The following PTPRT variants were observed in gnomAD, a reference collection of about 807,000 sequenced individuals.
PTPRT encodes protein tyrosine phosphatase receptor type T, also known as receptor-type tyrosine-protein phosphatase T.
PTPRT carries 56 observed loss-of-function variants against 176.8 expected under a neutral mutation model. That is an observed-to-expected ratio of 0.32 (90% CI 0.26 to 0.40). The LOEUF is 0.40. Ranked by LOEUF, PTPRT falls within the 10% of genes least tolerant of loss-of-function variation. The pLI is 1.00. For synonymous variants in PTPRT, 783 were observed against 739.0 expected (o/e 1.06, Z -0.96); for missense variants, 1,540 against 1,908.2 (o/e 0.81, Z 3.60).
intron 7 of PTPRT, among the ~76,000 whole-genome samples, chr20:42,624,005 C>CA: frequency 7.4e-6 from 1 of 135,756 alleles, no homozygotes; most frequent in African/African-American, 3.2e-5. Flanking sequence ...AAAACAATAG[C>CA]AACAAACAAA....
At chr20:43,171,302 A>C (rs1352972191) in intron 1 of PTPRT, among the ~76,000 whole-genome samples, 1 of 152,210 alleles carries the variant, frequency 6.6e-6, no homozygotes, top group African/African-American at 2.4e-5. Context: ...AAATCACTGA[A>C]TATTCATTTA....
At chr20:42,628,010 G>C (rs1206043872) in intron 7 of PTPRT, among the ~76,000 whole-genome samples, 1 of 152,118 alleles carries the variant, frequency 6.6e-6, no homozygotes. Context: ...GGGAGAACAG[G>C]TCAGTCATTT....
chr20:42,110,297 G>C (rs370390630), intron 23 of PTPRT, 36 bp downstream of exon 23: 3 of 1,558,280 alleles, frequency 1.9e-6, no homozygotes, highest in Non-Finnish European at 2.6e-6. Context: ...TGATCTGCCC[G>C]CCTCGGCCTC....
intron 1 of PTPRT, among the ~76,000 whole-genome samples, chr20:43,036,455 A>C (rs1270997786): frequency 6.6e-6 from 1 of 152,192 alleles, no homozygotes; most frequent in East Asian, 1.9e-4. Context: ...CATATTATTC[A>C]ATTTTGATGG....
chr20:42,958,421 GAAAGGA>G (rs1981794122), intron 1 of PTPRT, among the ~76,000 whole-genome samples: 1 of 131,516 alleles, frequency 7.6e-6, no homozygotes, highest in Non-Finnish European at 1.6e-5. Context: ...AAGAAGGGAG[GAAAGGA>G]GGAAGGGAGG....
At chr20:42,535,073 T>G (rs766606631) in intron 7 of PTPRT, among the ~76,000 whole-genome samples, 3 of 152,138 alleles carry the variant, frequency 2.0e-5, no homozygotes, top group Non-Finnish European at 4.4e-5. Context: ...AAGTCATATA[T>G]AGCTAGTAAA....
At chr20:42,911,457 C>A (rs1978373405) in intron 1 of PTPRT, among the ~76,000 whole-genome samples, 1 of 151,866 alleles carries the variant, frequency 6.6e-6, no homozygotes, top group Admixed American at 6.5e-5. Context: ...AGTAATTATT[C>A]TGATTACCCT....
At chr20:43,172,537 C>T (rs935871426) in intron 1 of PTPRT, among the ~76,000 whole-genome samples, 3 of 152,270 alleles carry the variant, frequency 2.0e-5, no homozygotes, top group Non-Finnish European at 2.9e-5. Context: ...CCTGGGCAAA[C>T]GAGGACAATT....
chr20:42,390,258 CA>C (rs1364375826), intron 9 of PTPRT, among the ~76,000 whole-genome samples: 4 of 152,128 alleles, frequency 2.6e-5, no homozygotes, highest in Non-Finnish European at 5.9e-5. Flanking sequence ...AGAGAGAATG[CA>C]ATCAGTCAAT....
At chr20:42,291,999 T>A (rs186387709) in intron 12 of PTPRT, among the ~76,000 whole-genome samples, 46 of 152,252 alleles carry the variant, frequency 3.0e-4, no homozygotes, top group African/African-American at 1.1e-3. Context: ...TATAGTCGAA[T>A]GATGAGATGG....
chr20:42,514,397 C>T (rs888984781), intron 7 of PTPRT, among the ~76,000 whole-genome samples: 1 of 152,100 alleles, frequency 6.6e-6, no homozygotes, highest in Non-Finnish European at 1.5e-5. Context: ...TTGTGATCAT[C>T]CAACTTTATA....
intron 16 of PTPRT, among the ~76,000 whole-genome samples, chr20:42,196,323 G>A (rs992031205): frequency 6.6e-6 from 1 of 152,226 alleles, no homozygotes; most frequent in South Asian, 2.1e-4. Context: ...AGCTCCTGAT[G>A]AGCCTTTCTC....
intron 7 of PTPRT, among the ~76,000 whole-genome samples, chr20:42,523,677 T>G (rs546170773): frequency 6.6e-6 from 1 of 152,346 alleles, no homozygotes; most frequent in African/African-American, 2.4e-5. Context: ...AGACATATAT[T>G]GTAGTTATTG....
At chr20:42,706,175 CTGTT>C (rs1269232927) in intron 6 of PTPRT, among the ~76,000 whole-genome samples, 11 of 109,280 alleles carry the variant, frequency 1.0e-4, no homozygotes, top group East Asian at 6.4e-4. Context: ...CTCTCTCTCT[CTGTT>C]TGTGTGTGTG....
the PTPRT span, among the ~76,000 whole-genome samples, chr20:42,052,322 A>G: frequency 6.6e-6 from 1 of 152,190 alleles, no homozygotes; most frequent in African/African-American, 2.4e-5. Context: ...CCCAGGCCCC[A>G]GAGTGTGGCT....
At chr20:42,731,278 G>A (rs1029023429) in intron 6 of PTPRT, among the ~76,000 whole-genome samples, 1 of 152,190 alleles carries the variant, frequency 6.6e-6, no homozygotes, top group Non-Finnish European at 1.5e-5. Context: ...AGTCTTCGCT[G>A]GGGCTGTCAC....
intron 7 of PTPRT, among the ~76,000 whole-genome samples, chr20:42,579,223 A>G (rs893581766): frequency 1.3e-5 from 2 of 151,820 alleles, no homozygotes; most frequent in Non-Finnish European, 2.9e-5. Context: ...CCATGTCCCT[A>G]CAAAGGACAT....
chr20:42,383,117 C>T (rs1211174086), intron 9 of PTPRT, among the ~76,000 whole-genome samples: 3 of 152,158 alleles, frequency 2.0e-5, no homozygotes, highest in Non-Finnish European at 4.4e-5. Flanking sequence ...GCACTCAATA[C>T]ATGTGAGCAA....
intron 1 of PTPRT, among the ~76,000 whole-genome samples, chr20:43,087,964 C>T (rs943316667): frequency 1.2e-4 from 18 of 152,292 alleles, no homozygotes; most frequent in Middle Eastern, 3.4e-3. Flanking sequence ...GTAAGTTCTA[C>T]TCCATACCAC....
Sources: allele counts gnomAD v4.1 joint callset (sites outside exome capture counted in the v4.1 genomes callset), GRCh38; gene constraint gnomAD v4.1.1; transcripts MANE v1.5; gene names NCBI Gene and HGNC (gene_info 2026-07-23, HGNC 2026-07-21).